SPON2: variants seen among roughly 807,000 people sequenced by gnomAD.
The protein encoded by SPON2 is spondin-2.
SPON2 carries 32 observed loss-of-function variants against 29.9 expected under a neutral mutation model. That is an observed-to-expected ratio of 1.07 (90% CI 0.81 to 1.44). The LOEUF is 1.44. Ranked by LOEUF, SPON2 falls within the 40% of genes most tolerant of loss-of-function variation. SPON2 has a pLI of 0.00. For synonymous variants in SPON2, 248 were observed against 209.1 expected, an observed-to-expected ratio of 1.19 and a Z score of -1.61; for missense variants, 541 against 455.5, an observed-to-expected ratio of 1.19 and a Z score of -1.71.
chr4:1,194,572 G>A (rs1443324592), intron 1 of SPON2, among the ~76,000 whole-genome samples: 6 of 152,146 alleles, frequency 3.9e-5, no homozygotes, highest in Admixed American at 6.5e-5. Flanking sequence ...GGTGGGCTCC[G>A]TCCTCTTCTC....
chr4:1,184,085 C>A (rs1310521510), intron 1 of SPON2, among the ~76,000 whole-genome samples: 1 of 152,136 alleles, frequency 6.6e-6, no homozygotes, highest in East Asian at 1.9e-4. Context: ...TCAGGTGATT[C>A]TCCACCTCAG....
chr4:1,186,297 G>A (rs2108661745), intron 1 of SPON2, among the ~76,000 whole-genome samples: 1 of 151,150 alleles, frequency 6.6e-6, no homozygotes, highest in African/African-American at 2.4e-5. Context: ...CTCAAAAGAT[G>A]GGAGAAAATG....
At chr4:1,186,086 T>C (rs926469143) in intron 1 of SPON2, among the ~76,000 whole-genome samples, 4 of 133,128 alleles carry the variant, frequency 3.0e-5, no homozygotes, top group Non-Finnish European at 5.1e-5. Context: ...CTACTAAAAA[T>C]ACAAAAAATT....
At chr4:1,204,154 G>C (rs754759240) in intron 1 of SPON2, among the ~76,000 whole-genome samples, 1 of 152,246 alleles carries the variant, frequency 6.6e-6, no homozygotes, top group Non-Finnish European at 1.5e-5. Flanking sequence ...TTACAGGCGT[G>C]AGCCACTGCG....
rs1024502551 is a variant in SPON2 at position 1,202,714 on chromosome 4, A to G, written c.-234+5166T>C. ...TCCGGTGGGCATAGCCTCGGTGGGG[A>G]CTCCGAGGCAGCTCCAACCCCACGA... On this transcript the variant is annotated intron_variant, in intron 1 of 3. Transcript: ENST00000509233. This position sits in a 1 kb window ranked among gnomAD's most constrained non-coding sequence, Gnocchi z 5.4. Among the ~76,000 whole-genome samples the G allele has an allele frequency of 1.3e-5, 2 of 150,888 alleles. No homozygotes were observed. The highest frequency in any genetic ancestry group is 4.9e-5 in the African/African-American group (2 of 40,874).
intron 2 of SPON2, 62 bp from the exon 3 acceptor site, chr4:1,171,548 C>A: frequency 1.3e-6 from 2 of 1,524,232 alleles, no homozygotes; most frequent in Non-Finnish European, 9.0e-7. Context: ...GCTTGGATTC[C>A]AGGGGGCGCC....
Position 1,171,343 on chromosome 4 carries a change from C to T in SPON2, c.364G>A (p.Ala122Thr), listed in dbSNP as rs193114328. 0.017 allele frequency: 26,684 copies of T among 1,608,684 alleles called. 274 individuals carry two copies. Among genetic ancestry groups the T allele is most frequent in the Non-Finnish European group, 0.019 (22,986 of 1,179,256 alleles). Residue 122 changes from alanine to threonine, a missense_variant, in exon 3 of 6, where the codon GCG becomes ACG. Ala to Thr is a moderately conservative substitution (Grantham distance 58). Coordinates refer to ENST00000290902, the MANE Select transcript of SPON2 (RefSeq NM_012445.4). The part of the protein sequence containing the change: ...AAGEALQSVH[A>T]VFSAPAVPSG... ...GGGACGGCGGGCGCCGAAAACACCG[C>T]GTGCACGCTCTGCAGCGCCTCCCCC...
At chr4:1,168,919 C>T (rs932996790) in intron 5 of SPON2, among the ~76,000 whole-genome samples, 1 of 152,212 alleles carries the variant, frequency 6.6e-6, no homozygotes, top group Non-Finnish European at 1.5e-5. Context: ...CAGCCTCTGC[C>T]CTCGGGAAGC....
At chr4:1,170,653 C>CAT in intron 4 of SPON2, 77 bp from the exon 5 acceptor site, 2 of 1,490,448 alleles carry the variant, frequency 1.3e-6, no homozygotes, top group Non-Finnish European at 1.8e-6. Flanking sequence ...TCACTGGGGC[C>CAT]ACTGCCCAGC....
chr4:1,188,782 G>A (rs1727850441), intron 1 of SPON2, among the ~76,000 whole-genome samples: 1 of 152,128 alleles, frequency 6.6e-6, no homozygotes, highest in Admixed American at 6.6e-5. Context: ...CAACAGGACA[G>A]AAAATCAAAA....
At chr4:1,205,022 C>G (rs551613918) in intron 1 of SPON2, 1 of 152,408 alleles carries the variant, frequency 6.6e-6, no homozygotes, top group African/African-American at 2.4e-5. Context: ...TGAGGAGTCG[C>G]AGCAGGCTGT....
At chr4:1,182,300 A>G (rs1009043370) in intron 1 of SPON2, among the ~76,000 whole-genome samples, 2 of 152,222 alleles carry the variant, frequency 1.3e-5, no homozygotes, top group African/African-American at 4.8e-5. Context: ...CTTTAAAACA[A>G]CTGTCTTAAA....
chr4:1,176,307 G>C (rs1727591781), upstream of SPON2, among the ~76,000 whole-genome samples: 1 of 152,086 alleles, frequency 6.6e-6, no homozygotes, highest in African/African-American at 2.4e-5. Context: ...CACTTTGCAA[G>C]GTGTCCCCCC....
intron 1 of SPON2, among the ~76,000 whole-genome samples, chr4:1,206,166 CAGG>C (rs1414731843): frequency 2.6e-5 from 4 of 152,198 alleles, no homozygotes; most frequent in Non-Finnish European, 4.4e-5. Flanking sequence ...GGGCCATGAA[CAGG>C]AGGATGCCCC....
chr4:1,176,893 C>A (rs868554755), upstream of SPON2, among the ~76,000 whole-genome samples: 32 of 110,008 alleles, frequency 2.9e-4, no homozygotes, highest in Admixed American at 6.3e-4. Flanking sequence ...TCATTCACAC[C>A]ATTCATTCAT....
chr4:1,205,140 C>A, intron 1 of SPON2: 1 of 152,748 alleles, frequency 6.5e-6, no homozygotes, highest in Non-Finnish European at 1.5e-5. Flanking sequence ...CCCAGCTGTC[C>A]CCTCCCTGTG....
intron 1 of SPON2, among the ~76,000 whole-genome samples, chr4:1,191,906 C>T (rs1457337776): frequency 6.6e-6 from 1 of 152,214 alleles, no homozygotes; most frequent in Middle Eastern, 3.2e-3. Context: ...GCCAGCCCCT[C>T]CCCATAGGCC....
chr4:1,208,738 CAG>C (rs969096755), upstream of SPON2: 2 of 152,316 alleles, frequency 1.3e-5, no homozygotes, highest in African/African-American at 2.4e-5. Flanking sequence ...TGTCCGAGCT[CAG>C]GGGCCGTCCA....
At chr4:1,193,380 G>C (rs1042647389) in intron 1 of SPON2, among the ~76,000 whole-genome samples, 1 of 150,920 alleles carries the variant, frequency 6.6e-6, no homozygotes, top group Non-Finnish European at 1.5e-5. Flanking sequence ...GGGGAGTCCA[G>C]CACGCCAGGC....
Sources: allele counts gnomAD v4.1 joint callset (sites outside exome capture counted in the v4.1 genomes callset), GRCh38; gene constraint gnomAD v4.1.1; non-coding constraint Gnocchi (gnomAD v3.1); transcripts MANE v1.5; gene names NCBI Gene and HGNC (gene_info 2026-07-23, HGNC 2026-07-21).